Variants in ACYP2 observed in about 807,000 individuals in gnomAD.
The protein encoded by ACYP2 is acylphosphatase-2.
A neutral mutation model predicts 11.2 loss-of-function variants in ACYP2; 12 were observed. The observed-to-expected ratio is 1.08, with a 90% CI of 0.69 to 1.74. The LOEUF (loss-of-function observed/expected upper bound fraction) is 1.74, where lower values mean the gene tolerates loss of function less well. Among genes scored for constraint, ACYP2 ranks in the 40% most tolerant of loss-of-function variants. The pLI is 0.00. For synonymous variants in ACYP2, 43 were observed against 32.2 expected, an observed-to-expected ratio of 1.33 and a Z score of -1.13; for missense variants, 134 against 101.9, an observed-to-expected ratio of 1.31 and a Z score of -1.35.
At chr2:54,221,520 CTTT>C (rs548466074) in intron 6 of ACYP2, among the ~76,000 whole-genome samples, 1,918 of 127,266 alleles carry the variant, frequency 0.015, 39 homozygotes, top group African/African-American at 0.049. Flanking sequence ...GAATAAAATT[CTTT>C]TTTTTTTTTT....
At chr2:53,981,704 G>A (rs557689890) in intron 2 of ACYP2, among the ~76,000 whole-genome samples, 6 of 152,194 alleles carry the variant, frequency 3.9e-5, no homozygotes, top group African/African-American at 1.4e-4. Context: ...AAGTCAGTGT[G>A]AATCAGCCTT....
intron 6 of ACYP2, among the ~76,000 whole-genome samples, chr2:54,169,002 TA>T (rs1412338163): frequency 6.6e-6 from 1 of 152,206 alleles, no homozygotes; most frequent in African/African-American, 2.4e-5. Flanking sequence ...TTGGGATTTG[TA>T]AAGCTTGGTT....
At chr2:54,160,559 C>A (rs1035355480) in intron 6 of ACYP2, among the ~76,000 whole-genome samples, 33 of 152,150 alleles carry the variant, frequency 2.2e-4, no homozygotes, top group African/African-American at 7.5e-4. Context: ...CAGTACCTGG[C>A]ACATAGAGTG....
At chr2:54,272,427 A>G (rs1043944235) in intron 6 of ACYP2, among the ~76,000 whole-genome samples, 2 of 151,378 alleles carry the variant, frequency 1.3e-5, no homozygotes, top group Non-Finnish European at 2.9e-5. Context: ...TGTCTTGTGC[A>G]TATGCTTCAC....
At chr2:54,215,952 G>A (rs1430844293) in intron 6 of ACYP2, among the ~76,000 whole-genome samples, 2 of 152,056 alleles carry the variant, frequency 1.3e-5, no homozygotes, top group Admixed American at 1.3e-4. Context: ...GTCTTGTTAT[G>A]GTTTCTGCAT....
At chr2:54,177,889 TTTTCTTTC>T (rs1192380438) in intron 6 of ACYP2, among the ~76,000 whole-genome samples, 1 of 129,858 alleles carries the variant, frequency 7.7e-6, no homozygotes, top group Non-Finnish European at 1.5e-5. Context: ...CTCCTGTTTC[TTTTCTTTC>T]TTTCTTTATT....
At chr2:54,296,712 A>C (rs537179363) in intron 6 of ACYP2, among the ~76,000 whole-genome samples, 1 of 152,348 alleles carries the variant, frequency 6.6e-6, no homozygotes, top group African/African-American at 2.4e-5. Flanking sequence ...TACAAAAATT[A>C]GTTTCATTTT....
intron 2 of ACYP2, among the ~76,000 whole-genome samples, chr2:54,011,725 CT>C (rs1673383714): frequency 1.0e-5 from 1 of 100,292 alleles, no homozygotes; most frequent in African/African-American, 4.6e-5. Flanking sequence ...ATATTCAAAT[CT>C]TTTTTGGTGT....
intron 6 of ACYP2, among the ~76,000 whole-genome samples, chr2:54,147,762 T>C (rs1353214219): frequency 6.6e-6 from 1 of 152,134 alleles, no homozygotes; most frequent in Non-Finnish European, 1.5e-5. Context: ...TGGCCTCAAG[T>C]GATCCTTCTG....
rs182438741 is a variant in ACYP2 at position 53,983,105 on chromosome 2, G to A, written c.62+9295G>A. Among the ~76,000 whole-genome samples, 13 of 152,208 alleles carry A rather than the reference G, an allele frequency of 8.5e-5. No homozygotes were observed. The East Asian group carries it at 2.5e-3, about 29-fold the overall frequency. ...GGATAAATGTTGTTCTGGTTATGTA[G>A]AACAGGGGTACCTGGACTAGGATGC... On this transcript the variant is annotated intron_variant, in intron 2 of 6. Coordinates refer to ENST00000607452, the MANE Select transcript of ACYP2 (RefSeq NM_001320586.2).
chr2:54,035,023 A>AG (rs1674809179), intron 2 of ACYP2, among the ~76,000 whole-genome samples: 1 of 137,858 alleles, frequency 7.3e-6, no homozygotes, highest in African/African-American at 2.8e-5. Flanking sequence ...AAAAAAAAAA[A>AG]AAAAAAAAAG....
chr2:54,298,349 G>T (rs1689599307), intron 6 of ACYP2, among the ~76,000 whole-genome samples: 1 of 107,360 alleles, frequency 9.3e-6, no homozygotes, highest in Non-Finnish European at 1.9e-5. Flanking sequence ...AAGATTTAAA[G>T]GATAAAGCCA....
At chr2:54,219,905 A>ATATCTTTT (rs1288814375) in intron 6 of ACYP2, among the ~76,000 whole-genome samples, 1 of 76,000 alleles carries the variant, frequency 1.3e-5, no homozygotes, top group African/African-American at 5.6e-5. Flanking sequence ...ATATATATAT[A>ATATCTTTT]TTTTTTTTTT....
intron 6 of ACYP2, among the ~76,000 whole-genome samples, chr2:54,178,944 A>G (rs532676741): frequency 1.3e-5 from 2 of 152,248 alleles, no homozygotes; most frequent in Admixed American, 6.5e-5. Context: ...CTTGTAAACA[A>G]CAAAAATTTA....
At chr2:54,086,798 G>T (rs941862801) in intron 4 of ACYP2, among the ~76,000 whole-genome samples, 1 of 152,162 alleles carries the variant, frequency 6.6e-6, no homozygotes, top group Non-Finnish European at 1.5e-5. Flanking sequence ...TAAACTGAAG[G>T]ATTTTTGTGG....
intron 4 of ACYP2, among the ~76,000 whole-genome samples, chr2:54,135,010 C>G (rs1387275963): frequency 6.6e-6 from 1 of 152,218 alleles, no homozygotes; most frequent in Non-Finnish European, 1.5e-5. Context: ...AGAACTTTCA[C>G]CTTTTCACTT....
chr2:54,084,365 G>A (rs537157957), intron 4 of ACYP2, among the ~76,000 whole-genome samples: 159 of 152,228 alleles, frequency 1.0e-3, no homozygotes, highest in African/African-American at 3.6e-3. Flanking sequence ...AGCCATCTTG[G>A]CTCACTGCAA....
intron 6 of ACYP2, among the ~76,000 whole-genome samples, chr2:54,204,298 AT>A (rs34841607): frequency 3.3e-4 from 48 of 146,716 alleles, no homozygotes; most frequent in African/African-American, 3.5e-4. Context: ...CGGCCATGGG[AT>A]TTTTTTTTTT....
chr2:53,988,568 A>ATATATG (rs1672135018), intron 2 of ACYP2, among the ~76,000 whole-genome samples: 1 of 151,076 alleles, frequency 6.6e-6, no homozygotes, highest in East Asian at 2.0e-4. Context: ...GCCTGGCTAT[A>ATATATG]TATATGTATA....
Sources: allele counts gnomAD v4.1 joint callset (sites outside exome capture counted in the v4.1 genomes callset), GRCh38; gene constraint gnomAD v4.1.1; transcripts MANE v1.5; gene names NCBI Gene and HGNC (gene_info 2026-07-23, HGNC 2026-07-21).